The following KIF26B variants were observed in gnomAD, a reference collection of about 807,000 sequenced individuals.
The protein encoded by KIF26B is kinesin family member 26B, also known as kinesin-like protein KIF26B.
KIF26B carries 63 observed loss-of-function variants against 151.2 expected under a neutral mutation model. The ratio of observed to expected loss-of-function variants is 0.42; its 90% CI spans 0.34 to 0.51. The LOEUF (loss-of-function observed/expected upper bound fraction) is 0.51, where lower values mean the gene tolerates loss of function less well. KIF26B is among the 20% of genes least tolerant of loss of function. The pLI is 0.07. For synonymous variants in KIF26B, 1,357 were observed against 1,262.1 expected, an observed-to-expected ratio of 1.08 and a Z score of -1.59; for missense variants, 2,813 against 2,913.6, an observed-to-expected ratio of 0.97 and a Z score of 0.79.
intron 4 of KIF26B, among the ~76,000 whole-genome samples, chr1:245,484,692 C>T (rs1660236779): frequency 2.4e-5 from 2 of 83,018 alleles, no homozygotes. Context: ...GCTTCTCCTC[C>T]TTCTTCTCCT....
rs116949398 is a variant in KIF26B, at chr1:245,213,595, C to T, written c.465+56912C>T. On this transcript the variant is annotated intron_variant, in intron 2 of 14. Coordinates refer to ENST00000407071, the MANE Select transcript of KIF26B (RefSeq NM_018012.4). Reference sequence around the variant, plus strand: ...CGTGGGGCAGGAAGGCAGGGCCAGACTCCTTTCTGTGTTAGGAGCAGAGCC... The same window carrying T: ...CGTGGGGCAGGAAGGCAGGGCCAGATTCCTTTCTGTGTTAGGAGCAGAGCC... Among the ~76,000 whole-genome samples the T allele has an allele frequency of 5.4e-3, 822 of 152,330 alleles. 34 individuals carry two copies. In the East Asian group the frequency reaches 0.13, roughly 24 times the overall value.
At chr1:245,462,139 T>A (rs1002661931) in intron 4 of KIF26B, among the ~76,000 whole-genome samples, 2 of 151,590 alleles carry the variant, frequency 1.3e-5, no homozygotes, top group Admixed American at 6.6e-5. Flanking sequence ...AGAAAAAAAA[T>A]TAAAAAATGA....
Position 245,601,049 on chromosome 1 carries a change from T to C in KIF26B, c.1351-1528T>C, listed in dbSNP as rs1295231927. The stretch of plus-strand genomic sequence containing the variant: ...CTACACCCTGGAGCATTGGGAGGAT[T>C]AAATGAGATCGTGTAGATAACAGCA... On this transcript the variant is annotated intron_variant, in intron 5 of 14. Transcript: ENST00000407071. The surrounding 1 kb of genome is among the most constrained non-coding windows in gnomAD (Gnocchi z 4.4). Among the ~76,000 whole-genome samples the C allele has an allele frequency of 6.6e-6, 1 of 152,124 alleles. No individual in the cohort carries two copies. Among genetic ancestry groups the C allele is most frequent in the Admixed American group, 6.5e-5 (1 of 15,278 alleles).
At chr1:245,309,073 A>G (rs1671614544) in intron 2 of KIF26B, among the ~76,000 whole-genome samples, 1 of 152,182 alleles carries the variant, frequency 6.6e-6, no homozygotes, top group South Asian at 2.1e-4. Context: ...CCCTTGATGG[A>G]CAATCAGGAC....
At chr1:245,176,050 C>T (rs997661997) in intron 2 of KIF26B, among the ~76,000 whole-genome samples, 1 of 151,560 alleles carries the variant, frequency 6.6e-6, no homozygotes, top group Non-Finnish European at 1.5e-5. Flanking sequence ...TCTTGTTGCC[C>T]AGGCTGGGGA....
At chr1:245,273,926 G>A (rs1413956756) in intron 2 of KIF26B, among the ~76,000 whole-genome samples, 2 of 152,056 alleles carry the variant, frequency 1.3e-5, no homozygotes, top group African/African-American at 4.8e-5. Flanking sequence ...TATCTACCTT[G>A]TAGCTCTTTT....
At chr1:245,392,343 A>G (rs1313957841) in intron 3 of KIF26B, among the ~76,000 whole-genome samples, 1 of 152,242 alleles carries the variant, frequency 6.6e-6, no homozygotes, top group Non-Finnish European at 1.5e-5. Context: ...AGGTTATATA[A>G]AAATATTACT....
intron 4 of KIF26B, among the ~76,000 whole-genome samples, chr1:245,462,780 G>A (rs947644838): frequency 6.6e-6 from 1 of 152,166 alleles, no homozygotes; most frequent in Non-Finnish European, 1.5e-5. Context: ...TGGGCTCCAG[G>A]TGGACTGACT....
chr1:245,617,785 C>A (rs1368025937), intron 9 of KIF26B, among the ~76,000 whole-genome samples: 1 of 152,190 alleles, frequency 6.6e-6, no homozygotes, highest in Non-Finnish European at 1.5e-5. Flanking sequence ...AGCCTCCTGG[C>A]CACTCTCAGC....
At chr1:245,590,542 G>C (rs996175094) in intron 5 of KIF26B, among the ~76,000 whole-genome samples, 1 of 152,180 alleles carries the variant, frequency 6.6e-6, no homozygotes, top group Non-Finnish European at 1.5e-5. Context: ...CACTTACCCA[G>C]TGTTTACCAA....
rs1485186034 is a variant in KIF26B, at chr1:245,497,492, T to C, written c.1167-43275T>C. Among the ~76,000 whole-genome samples the C allele has an allele frequency of 3.3e-5, 5 of 152,052 alleles. No homozygotes were observed. The East Asian group carries it at 9.6e-4, about 29-fold the overall frequency. Reference sequence around the variant, plus strand: ...AGCTGTAAATCAATGACCATAAAAATAGAAAATCACCAAATGTTTAGAAAT... The same window carrying C: ...AGCTGTAAATCAATGACCATAAAAACAGAAAATCACCAAATGTTTAGAAAT... On this transcript the variant is annotated intron_variant, in intron 4 of 14. Coordinates refer to ENST00000407071, the MANE Select transcript of KIF26B (RefSeq NM_018012.4).
intron 10 of KIF26B, among the ~76,000 whole-genome samples, chr1:245,663,322 G>T (rs1309889677): frequency 6.6e-6 from 1 of 151,850 alleles, no homozygotes; most frequent in East Asian, 1.9e-4. Flanking sequence ...GTTGCTTAAG[G>T]TTGGAGGGTA....
At chr1:245,429,294 T>A (rs770618160) in intron 4 of KIF26B, among the ~76,000 whole-genome samples, 2 of 152,210 alleles carry the variant, frequency 1.3e-5, no homozygotes, top group African/African-American at 2.4e-5. Context: ...CGTTCCCTTT[T>A]GAGTAGATGA....
chr1:245,170,814 TG>T lies in KIF26B; in HGVS notation c.465+14135del, dbSNP rs1395481667. 1.3e-5 allele frequency among the ~76,000 whole-genome samples: 2 copies of T among 152,198 alleles called. No individual in the cohort carries two copies. Among genetic ancestry groups the T allele is most frequent in the Non-Finnish European group, 2.9e-5 (2 of 68,036 alleles). On this transcript the variant is annotated intron_variant, in intron 2 of 14. Coordinates refer to ENST00000407071, the MANE Select transcript of KIF26B (RefSeq NM_018012.4). The surrounding 1 kb of genome is among the most constrained non-coding windows in gnomAD (Gnocchi z 4.4). ...TGGGGGTTAGGTTTCAACATGATTT[TG>T]GGGAGAACATAAGCGTTCAGTCTGT...
chr1:245,380,511 C>T (rs1049191826), intron 3 of KIF26B, among the ~76,000 whole-genome samples: 4 of 152,160 alleles, frequency 2.6e-5, no homozygotes, highest in Non-Finnish European at 4.4e-5. Flanking sequence ...ATGACGTGCT[C>T]CCTTTTGGTT....
At chr1:245,561,948 G>A (rs921434349) in intron 5 of KIF26B, among the ~76,000 whole-genome samples, 8 of 152,036 alleles carry the variant, frequency 5.3e-5, no homozygotes, top group Non-Finnish European at 8.8e-5. Flanking sequence ...AGCTTTCTGT[G>A]GCCTGATTTT....
At chr1:245,551,747 G>C (rs1661885272) in intron 5 of KIF26B, among the ~76,000 whole-genome samples, 1 of 152,158 alleles carries the variant, frequency 6.6e-6, no homozygotes, top group Non-Finnish European at 1.5e-5. Context: ...TCCCAGGGTG[G>C]ATCTGCACAG....
Position 245,540,714 on chromosome 1 carries a change from G to C in KIF26B, c.1167-53G>C. 6.7e-7 allele frequency: 1 copy of C among 1,495,250 alleles called. No homozygotes were observed. Among genetic ancestry groups the C allele is most frequent in the Non-Finnish European group, 9.3e-7 (1 of 1,071,618 alleles). 92.6% of individuals were successfully genotyped at this position (1,495,250 alleles called of 1,614,324 possible). A position where few individuals can be genotyped will look rare whatever the true frequency, so the allele number is the denominator to read the frequency against. On this transcript the variant is annotated intron_variant, in intron 4 of 14. Transcript: ENST00000407071. This position sits in a 1 kb window ranked among gnomAD's most constrained non-coding sequence, Gnocchi z 4.6. Reference sequence around the variant, plus strand: ...TTTAAGAGAAAACGAAGTAAGCCTAGCAGATCTGATCGTACAATCATTTTC... The same window carrying C: ...TTTAAGAGAAAACGAAGTAAGCCTACCAGATCTGATCGTACAATCATTTTC...
rs2042988103 is a variant in KIF26B at position 245,564,427 on chromosome 1, G to T, written c.1350+23477G>T. Reference sequence around the variant, plus strand: ...TTGCATTTTCTGAACCCAGGATGGTGCCACTGTGGTTTGTTCTCCCCGTTC... The same window carrying T: ...TTGCATTTTCTGAACCCAGGATGGTTCCACTGTGGTTTGTTCTCCCCGTTC... On this transcript the variant is annotated intron_variant, in intron 5 of 14. Coordinates refer to ENST00000407071, the MANE Select transcript of KIF26B (RefSeq NM_018012.4). The surrounding 1 kb of genome is among the most constrained non-coding windows in gnomAD (Gnocchi z 4.6). Among the ~76,000 whole-genome samples, 1 of 152,168 alleles carries T rather than the reference G, an allele frequency of 6.6e-6. No individual in the cohort carries two copies. Among genetic ancestry groups the T allele is most frequent in the Admixed American group, 6.5e-5 (1 of 15,280 alleles).
Sources: gnomAD v4.1 joint callset for allele counts (sites outside exome capture counted in the v4.1 genomes callset) on GRCh38, gnomAD v4.1.1 for gene constraint, Gnocchi (gnomAD v3.1) non-coding constraint, MANE v1.5 for transcripts, NCBI Gene and HGNC (gene_info 2026-07-23, HGNC 2026-07-21) for gene names.